The following MMUT variants were observed in gnomAD, a reference collection of about 807,000 sequenced individuals.
The protein encoded by MMUT is methylmalonyl-CoA mutase, mitochondrial.
A neutral mutation model predicts 79.9 loss-of-function variants in MMUT; 79 were observed. The ratio of observed to expected loss-of-function variants is 0.99; its 90% CI spans 0.82 to 1.19. The LOEUF (loss-of-function observed/expected upper bound fraction) is 1.19, where lower values mean the gene tolerates loss of function less well. Ranked by LOEUF, MMUT falls within the 50% of genes most tolerant of loss-of-function variation. MMUT has a pLI of 0.00. For missense variants in MMUT, 860 were observed against 917.2 expected, an observed-to-expected ratio of 0.94 and a Z score of 0.81; for synonymous variants, 273 against 295.7, an observed-to-expected ratio of 0.92 and a Z score of 0.79.
rs116403156 is a variant in MMUT at position 49,458,768 on chromosome 6, C to T, written c.385+314G>A. Among the ~76,000 whole-genome samples, 1,246 of 152,310 alleles carry T rather than the reference C, an allele frequency of 8.2e-3. 16 individuals carry two copies. The highest frequency in any genetic ancestry group is 0.028 in the African/African-American group (1,180 of 41,572). ...TCTAAACTATCTTCCTCTCCAATCGCTATCCCAACAATGTTAATTGAACAT... is the reference window on the plus strand; with the variant it reads ...TCTAAACTATCTTCCTCTCCAATCGTTATCCCAACAATGTTAATTGAACAT... On this transcript the variant is annotated intron_variant, in intron 2 of 12. Transcript: ENST00000274813.
At chr6:49,447,827 C>A (rs138133289) in intron 7 of MMUT, 42 bp from the exon 8 acceptor site, 1 of 1,087,588 alleles carries the variant, frequency 9.2e-7, no homozygotes. Flanking sequence ...CAAATAATTA[C>A]CTAATTGTAA....
chr6:49,452,765 C>T (rs1387676225), intron 5 of MMUT, among the ~76,000 whole-genome samples: 1 of 152,052 alleles, frequency 6.6e-6, no homozygotes, highest in Non-Finnish European at 1.5e-5. Context: ...AAAATAATTT[C>T]ATATGTAAAG....
At chr6:49,437,834 T>C (rs1391354642) in intron 11 of MMUT, among the ~76,000 whole-genome samples, 3 of 152,062 alleles carry the variant, frequency 2.0e-5, no homozygotes, top group Admixed American at 6.6e-5. Context: ...GTGATTTTAC[T>C]AGAAAGTGAA....
chr6:49,453,637 G>C lies in MMUT; in HGVS notation c.1031C>G (p.Ser344Cys), dbSNP rs762281578. Residue 344 changes from serine (S) to cysteine (C), a missense_variant, in exon 5 of 13, where the codon TCT becomes TGT. Coordinates refer to ENST00000274813, the MANE Select transcript of MMUT (RefSeq NM_000255.4). ...CTGACAGTGTGCTCTTAGAAGAAGA[G>C]ATTTTGAGTTTTTAGGCTGAAACAT... The part of the protein sequence containing the change: ...EKMFQPKNSK[S>C]LLLRAHCQTS... The C allele has an allele frequency of 5.0e-6, 8 of 1,612,962 alleles. No individual in the cohort carries two copies. The Admixed American group carries it at 5.0e-5, about 10-fold the overall frequency.
intron 11 of MMUT, among the ~76,000 whole-genome samples, chr6:49,438,592 C>A (rs1001004933): frequency 1.3e-5 from 2 of 152,074 alleles, no homozygotes; most frequent in African/African-American, 2.4e-5. Context: ...ATTTTTATTT[C>A]TATCATAATT....
At chr6:49,458,986 G>T in intron 2 of MMUT, 96 bp downstream of exon 2, 1 of 1,235,950 alleles carries the variant, frequency 8.1e-7, no homozygotes, top group Non-Finnish European at 1.1e-6. Flanking sequence ...AAATTATAGA[G>T]TGAATATCAT....
At chr6:49,447,050 C>T (rs138159867) in intron 8 of MMUT, among the ~76,000 whole-genome samples, 114 of 151,932 alleles carry the variant, frequency 7.5e-4, no homozygotes, top group African/African-American at 2.6e-3. Flanking sequence ...TTTGATTTAT[C>T]TATTTTAGTA....
rs750723018 is a variant in MMUT at position 49,448,824 on chromosome 6, A to G, written c.1436T>C (p.Ile479Thr). The change falls in exon 7 of 13, where the codon ATA becomes ACA. Residue 479 changes from isoleucine to threonine, a missense_variant. Coordinates refer to ENST00000274813, the MANE Select transcript of MMUT (RefSeq NM_000255.4). ...CTTTCTCACTATCTTACCAGAATCTATTCTAGCTTGTCTTCGGGCAGCACA... is the reference window on the plus strand; with the variant it reads ...CTTTCTCACTATCTTACCAGAATCTGTTCTAGCTTGTCTTCGGGCAGCACA... ...EECAARRQAR[I>T]DSGSEVIVGV... 2 of 1,611,256 alleles carry G rather than the reference A, an allele frequency of 1.2e-6. No individual in the cohort carries two copies. Among genetic ancestry groups the G allele is most frequent in the African/African-American group, 1.3e-5 (1 of 74,812 alleles).
chr6:49,456,308 A>G, intron 3 of MMUT, 71 bp from the exon 4 acceptor site: 1 of 1,033,046 alleles, frequency 9.7e-7, no homozygotes, highest in Non-Finnish European at 1.5e-6. Context: ...TCCACTTTCT[A>G]AGCATAAACA....
At chr6:49,457,178 T>C (rs576422627) in intron 3 of MMUT, among the ~76,000 whole-genome samples, 1 of 152,286 alleles carries the variant, frequency 6.6e-6, no homozygotes, top group East Asian at 1.9e-4. Flanking sequence ...TATAAACAAA[T>C]TGCTCACAGG....
intron 5 of MMUT, among the ~76,000 whole-genome samples, chr6:49,452,223 G>A (rs750066255): frequency 1.7e-4 from 26 of 152,102 alleles, no homozygotes; most frequent in Admixed American, 1.0e-3. Context: ...CTGAACTTCA[G>A]TTTCTTTAGC....
At chr6:49,459,704 T>C (rs1767791650) in intron 1 of MMUT, among the ~76,000 whole-genome samples, 199 bp from the exon 2 acceptor site, 2 of 152,146 alleles carry the variant, frequency 1.3e-5, no homozygotes, top group Non-Finnish European at 1.5e-5. Flanking sequence ...TTTCAGTCTT[T>C]TTCCTCAGTA....
chr6:49,433,527 G>A (rs1681454279), intron 12 of MMUT, among the ~76,000 whole-genome samples: 3 of 151,992 alleles, frequency 2.0e-5, no homozygotes, highest in Admixed American at 6.5e-5. Context: ...CACTTAGCTG[G>A]GCCAGGGATA....
intron 11 of MMUT, 74 bp downstream of exon 11, chr6:49,440,132 A>G: frequency 6.3e-7 from 1 of 1,574,810 alleles, no homozygotes; most frequent in South Asian, 1.1e-5. Flanking sequence ...AATGTCTGTC[A>G]TCATTTTACT....
rs2127417126 is a variant in MMUT, at chr6:49,448,800, T to G, written c.1444+16A>C. The G allele has an allele frequency of 6.4e-7, 1 of 1,573,814 alleles. No individual in the cohort carries two copies. The highest frequency in any genetic ancestry group is 8.7e-7 in the Non-Finnish European group (1 of 1,143,372). On this transcript the variant is annotated intron_variant, in intron 7 of 12. Transcript: ENST00000274813. The stretch of plus-strand genomic sequence containing the variant: ...TAACTACTGGATTTCATATATGAAC[T>G]TTCTCACTATCTTACCAGAATCTAT...
chr6:49,450,326 T>C (rs913066767), intron 6 of MMUT, among the ~76,000 whole-genome samples: 1 of 149,876 alleles, frequency 6.7e-6, no homozygotes, highest in Non-Finnish European at 1.5e-5. Flanking sequence ...AGAGAACCCA[T>C]ATGAAAATGA....
intron 8 of MMUT, among the ~76,000 whole-genome samples, chr6:49,446,050 C>A (rs1032823204): frequency 1.8e-4 from 27 of 151,884 alleles, no homozygotes; most frequent in Non-Finnish European, 3.4e-4. Context: ...AGAAGTACAC[C>A]TTTTCTGGTT....
chr6:49,442,190 A>G (rs570527918), intron 9 of MMUT, among the ~76,000 whole-genome samples: 172 of 152,198 alleles, frequency 1.1e-3, no homozygotes, highest in Non-Finnish European at 2.1e-3. Flanking sequence ...TCTTTTCAAC[A>G]TTTGTCAACC....
At position 49,441,939 on chromosome 6, in the gene MMUT, T is replaced by C; in HGVS notation, c.1709A>G (p.Lys570Arg). 6.2e-7 allele frequency: 1 copy of C among 1,611,762 alleles called. No homozygotes were observed. Among genetic ancestry groups the C allele is most frequent in the South Asian group, 1.1e-5 (1 of 91,044 alleles). Residue 570 changes from lysine to arginine, a missense_variant, in exon 10 of 13, where the codon AAA becomes AGA. Coordinates refer to ENST00000274813, the MANE Select transcript of MMUT (RefSeq NM_000255.4). ...CGCTTTATGTTCACCAAATACCTTT[T>C]TCAGGGCATCTGTGATTTCTCCCAC... ...CTVGEITDAL[K>R]KVFGEHKAND...
Sources: allele counts gnomAD v4.1 joint callset (sites outside exome capture counted in the v4.1 genomes callset), GRCh38; gene constraint gnomAD v4.1.1; transcripts MANE v1.5; gene names NCBI Gene and HGNC (gene_info 2026-07-23, HGNC 2026-07-21).